The following BBX variants were observed in gnomAD, a reference collection of about 807,000 sequenced individuals.
The protein encoded by BBX is BBX high mobility group box domain containing, also known as HMG box transcription factor BBX.
BBX carries 30 observed loss-of-function variants against 100.2 expected under a neutral mutation model. That is an observed-to-expected ratio of 0.30 (90% CI 0.22 to 0.41). The LOEUF (loss-of-function observed/expected upper bound fraction) is 0.41. BBX is among the 10% of genes least tolerant of loss of function. BBX has a pLI of 1.00. For synonymous variants in BBX, 376 were observed against 388.1 expected (o/e 0.97, Z 0.37); for missense variants, 1,023 against 1,129.8 (o/e 0.91, Z 1.35).
intron 14 of BBX, among the ~76,000 whole-genome samples, chr3:107,790,387 T>C (rs1314302958): frequency 1.3e-5 from 2 of 152,086 alleles, no homozygotes. Flanking sequence ...CCACCCCCCC[T>C]CGTTTGCCAG....
chr3:107,609,162 A>T (rs1323383192), intron 2 of BBX, among the ~76,000 whole-genome samples: 1 of 151,910 alleles, frequency 6.6e-6, no homozygotes, highest in African/African-American at 2.4e-5. Flanking sequence ...TAGTTTTTTC[A>T]TCCTGTTGCT....
chr3:107,791,537 A>G (rs2069035717), intron 15 of BBX, among the ~76,000 whole-genome samples: 2 of 152,192 alleles, frequency 1.3e-5, no homozygotes, highest in Non-Finnish European at 2.9e-5. Flanking sequence ...TAACCTTTGA[A>G]TCGCATTAAT....
At chr3:107,705,606 G>A (rs1229141807) in intron 3 of BBX, among the ~76,000 whole-genome samples, 1 of 152,166 alleles carries the variant, frequency 6.6e-6, no homozygotes, top group Non-Finnish European at 1.5e-5. Flanking sequence ...TCAAATGGGA[G>A]ACATCTATGC....
chr3:107,629,537 G>C (rs1479770429), intron 2 of BBX, among the ~76,000 whole-genome samples: 1 of 152,034 alleles, frequency 6.6e-6, no homozygotes, highest in Non-Finnish European at 1.5e-5. Flanking sequence ...TCATTGGTAT[G>C]TTAAAGATGA....
intron 10 of BBX, among the ~76,000 whole-genome samples, chr3:107,767,717 CAA>C (rs889206192): frequency 5.3e-5 from 8 of 152,174 alleles, no homozygotes; most frequent in African/African-American, 1.9e-4. Flanking sequence ...AGGGAATTAT[CAA>C]AGTCTCTCTG....
chr3:107,750,166 A>C (rs1487298185), intron 9 of BBX, among the ~76,000 whole-genome samples: 2 of 152,180 alleles, frequency 1.3e-5, no homozygotes, highest in Admixed American at 1.3e-4. Flanking sequence ...AGAGAAGAAA[A>C]GAACTTCTTA....
intron 16 of BBX, 59 bp from the exon 17 acceptor site, chr3:107,801,036 G>T: frequency 6.6e-7 from 1 of 1,506,882 alleles, no homozygotes; most frequent in South Asian, 1.2e-5. Flanking sequence ...CGTTTTCTAT[G>T]TCTCTTCTCT....
chr3:107,564,796 CTTAT>C (rs1462167760), intron 2 of BBX, among the ~76,000 whole-genome samples: 1 of 152,160 alleles, frequency 6.6e-6, no homozygotes, highest in African/African-American at 2.4e-5. Context: ...AGCAAATTCT[CTTAT>C]TTCTTTTCAC....
intron 2 of BBX, among the ~76,000 whole-genome samples, chr3:107,542,673 C>T (rs2048942607): frequency 6.6e-6 from 1 of 152,192 alleles, no homozygotes. Flanking sequence ...ATTATCTCCA[C>T]TTTGAATGAG....
chr3:107,778,230 G>GT (rs947359314), intron 12 of BBX, 141 bp from the exon 13 acceptor site: 123 of 991,232 alleles, frequency 1.2e-4, no homozygotes, highest in African/African-American at 1.2e-3. Context: ...CAGAAAAGGT[G>GT]TTTTTTTCCT....
intron 4 of BBX, among the ~76,000 whole-genome samples, chr3:107,711,754 T>C (rs2061735740): frequency 6.6e-6 from 1 of 152,218 alleles, no homozygotes; most frequent in Non-Finnish European, 1.5e-5. Flanking sequence ...ATTTCATTTT[T>C]TAAACACATT....
chr3:107,774,191 T>A (rs2067134126), intron 11 of BBX, among the ~76,000 whole-genome samples: 1 of 152,206 alleles, frequency 6.6e-6, no homozygotes, highest in African/African-American at 2.4e-5. Flanking sequence ...AGAAAATAGT[T>A]AACCTGTTTA....
At chr3:107,714,497 C>A (rs183336983) in intron 4 of BBX, among the ~76,000 whole-genome samples, 62 of 152,236 alleles carry the variant, frequency 4.1e-4, no homozygotes, top group African/African-American at 1.3e-3. Flanking sequence ...AAAAGTTACT[C>A]TTTTCTGAAG....
chr3:107,640,778 C>T (rs895822233), intron 2 of BBX, among the ~76,000 whole-genome samples: 1 of 152,126 alleles, frequency 6.6e-6, no homozygotes, highest in Non-Finnish European at 1.5e-5. Flanking sequence ...TCTCCTGCCT[C>T]AGCCTCCCAA....
chr3:107,557,329 T>A (rs999566648), intron 2 of BBX, among the ~76,000 whole-genome samples: 1 of 152,218 alleles, frequency 6.6e-6, no homozygotes, highest in Non-Finnish European at 1.5e-5. Flanking sequence ...ATCACCAAGA[T>A]AGCTGTGCAA....
Position 107,537,855 on chromosome 3 carries a change from G to A in BBX, c.-84+11457G>A, listed in dbSNP as rs540588680. On this transcript the variant is annotated intron_variant, in intron 2 of 17. Transcript: ENST00000325805. ...ATTGTGCTCAGTGTTCCAGATGCCA[G>A]TGTACTTTAATAACAAATACATTCA... is the stretch of plus-strand genomic sequence containing the variant. Among the ~76,000 whole-genome samples, 15 of 152,330 alleles carry A rather than the reference G, an allele frequency of 9.8e-5. No homozygotes were observed. In the South Asian group the frequency reaches 1.2e-3, roughly 13 times the overall value.
In BBX at chr3:107,637,571, C is replaced by T. The variant is rs369422641; in HGVS notation, c.-83-8265C>T. Among the ~76,000 whole-genome samples, 3 of 152,276 alleles carry T rather than the reference C, an allele frequency of 2.0e-5. No individual in the cohort carries two copies. The East Asian group carries it at 5.8e-4, about 29-fold the overall frequency. ...TCTGCCTCTGTCTTGGTTGTGTGGT[C>T]GATGGGTTGAACTGAGTGGCTTCAA... On this transcript the variant is annotated intron_variant, in intron 2 of 17. Transcript: ENST00000325805.
At chr3:107,582,931 T>C (rs1156446994) in intron 2 of BBX, among the ~76,000 whole-genome samples, 2 of 152,016 alleles carry the variant, frequency 1.3e-5, no homozygotes, top group Non-Finnish European at 2.9e-5. Flanking sequence ...TTGTGCTCTT[T>C]GCTTTGCTAT....
chr3:107,541,713 A>G (rs1020538774), intron 2 of BBX, among the ~76,000 whole-genome samples: 4 of 152,172 alleles, frequency 2.6e-5, no homozygotes, highest in Non-Finnish European at 5.9e-5. Context: ...TAATTAGAGA[A>G]TATGATTTGA....
Sources: allele counts gnomAD v4.1 joint callset (sites outside exome capture counted in the v4.1 genomes callset), GRCh38; gene constraint gnomAD v4.1.1; transcripts MANE v1.5; gene names NCBI Gene and HGNC (gene_info 2026-07-23, HGNC 2026-07-21).